SGCD: variants seen among roughly 807,000 people sequenced by gnomAD.
SGCD encodes the protein sarcoglycan delta.
Under a neutral mutation model 36.6 loss-of-function variants are expected in SGCD, and 18 were observed. The ratio of observed to expected loss-of-function variants is 0.49; its 90% CI spans 0.34 to 0.73. The LOEUF is 0.73. Ranked by LOEUF, SGCD falls within the 30% of genes least tolerant of loss-of-function variation. The pLI is 0.01. For synonymous variants in SGCD, 133 were observed against 130.6 expected (o/e 1.02, Z -0.12); for missense variants, 387 against 346.7 (o/e 1.12, Z -0.92).
intron 4 of SGCD, among the ~76,000 whole-genome samples, chr5:156,579,367 C>G (rs1394050351): frequency 7.9e-5 from 12 of 152,012 alleles, no homozygotes; most frequent in African/African-American, 2.2e-4. Context: ...GTGATGTGGT[C>G]CTGAGAAGAA....
At chr5:155,824,489 A>T in the SGCD span, among the ~76,000 whole-genome samples, 11 of 152,196 alleles carry the variant, frequency 7.2e-5, no homozygotes, top group Non-Finnish European at 1.6e-4. Flanking sequence ...ATATTATTAA[A>T]TAATTGGGAA....
chr5:156,342,624 T>G (rs1480510900), intron 2 of SGCD, among the ~76,000 whole-genome samples: 1 of 152,272 alleles, frequency 6.6e-6, no homozygotes, highest in Non-Finnish European at 1.5e-5. Context: ...TGTTCCCGTC[T>G]TCTTATAACA....
intron 1 of SGCD, among the ~76,000 whole-genome samples, chr5:155,879,106 G>C (rs1234732353): frequency 6.6e-6 from 1 of 151,960 alleles, no homozygotes; most frequent in Non-Finnish European, 1.5e-5. Context: ...TGGACTGGAG[G>C]CTAGACAGAC....
At chr5:156,452,003 C>T (rs913920418) in intron 3 of SGCD, among the ~76,000 whole-genome samples, 1 of 152,128 alleles carries the variant, frequency 6.6e-6, no homozygotes, top group Admixed American at 6.6e-5. Context: ...AAAACTGAGG[C>T]AGAGAGAAGC....
At chr5:156,344,788 CTG>C (rs1450097481) in intron 3 of SGCD, 111 bp downstream of exon 3, 1 of 746,786 alleles carries the variant, frequency 1.3e-6, no homozygotes, top group African/African-American at 1.8e-5. Context: ...CTCAAAAAAT[CTG>C]TAACCTCGTG....
At chr5:156,171,867 T>C (rs1413169051) in intron 3 of SGCD, among the ~76,000 whole-genome samples, 1 of 152,110 alleles carries the variant, frequency 6.6e-6, no homozygotes, top group Non-Finnish European at 1.5e-5. Context: ...ATAATGACAA[T>C]GGGAATTTCT....
intron 7 of SGCD, among the ~76,000 whole-genome samples, chr5:156,749,638 G>A (rs1291179614): frequency 3.3e-5 from 5 of 151,614 alleles, no homozygotes; most frequent in Admixed American, 3.3e-4. Flanking sequence ...AATAGCAGGG[G>A]ACATTTTAAA....
intron 3 of SGCD, among the ~76,000 whole-genome samples, chr5:156,350,373 C>A (rs373208503): frequency 1.3e-4 from 20 of 150,726 alleles, no homozygotes; most frequent in African/African-American, 4.9e-4. Flanking sequence ...GTAATCAAAC[C>A]CCCTGTGTAA....
At chr5:156,510,608 T>C (rs527270402) in intron 4 of SGCD, among the ~76,000 whole-genome samples, 4 of 151,922 alleles carry the variant, frequency 2.6e-5, no homozygotes, top group Non-Finnish European at 5.9e-5. Flanking sequence ...TATTTTAAAC[T>C]TTTTTTTTCT....
At chr5:156,239,783 A>G (rs1375803912) in intron 3 of SGCD, among the ~76,000 whole-genome samples, 1 of 152,120 alleles carries the variant, frequency 6.6e-6, no homozygotes, top group African/African-American at 2.4e-5. Flanking sequence ...AATTGTATCT[A>G]CCCAGTCTCT....
intron 3 of SGCD, among the ~76,000 whole-genome samples, chr5:156,184,799 G>T (rs1483295240): frequency 2.0e-5 from 3 of 152,178 alleles, no homozygotes; most frequent in Non-Finnish European, 2.9e-5. Flanking sequence ...AGGTGAAATA[G>T]TGAGGACCAC....
Position 156,015,799 on chromosome 5 carries a change from C to CAT in SGCD, c.-281-102078_-281-102077insTA, listed in dbSNP as rs773911579. On this transcript the variant is annotated intron_variant, in intron 1 of 9. Transcript: ENST00000517913. ...AATGCAGTCCCAATGAACACACAAA[C>CAT]ACACACACACACACACACAGTGCAC... 9.9e-4 allele frequency among the ~76,000 whole-genome samples: 144 copies of CAT among 145,640 alleles called. 2 individuals are homozygous for CAT. Among genetic ancestry groups the CAT allele is most frequent in the African/African-American group, 3.5e-3 (141 of 40,226 alleles).
At chr5:156,334,213 A>T (rs935482445) in intron 2 of SGCD, among the ~76,000 whole-genome samples, 3 of 152,122 alleles carry the variant, frequency 2.0e-5, no homozygotes, top group African/African-American at 7.2e-5. Flanking sequence ...GGAATCATCC[A>T]TGGGGTTTTA....
At chr5:156,328,733 T>C (rs1448699374) in intron 1 of SGCD, among the ~76,000 whole-genome samples, 1 of 151,984 alleles carries the variant, frequency 6.6e-6, no homozygotes, top group African/African-American at 2.4e-5. Flanking sequence ...ATGAACATTT[T>C]CTTTATTAGT....
chr5:155,894,935 A>C (rs1678580611), intron 1 of SGCD, among the ~76,000 whole-genome samples: 1 of 152,196 alleles, frequency 6.6e-6, no homozygotes, highest in Admixed American at 6.5e-5. Flanking sequence ...CCCCTGGTCC[A>C]TGGAAAAATT....
At chr5:156,449,847 C>A (rs12652375) in intron 3 of SGCD, among the ~76,000 whole-genome samples, 7,770 of 121,786 alleles carry the variant, frequency 0.064, 261 homozygotes, top group East Asian at 0.12. Flanking sequence ...AGTGAAACTC[C>A]ATCTCAAAAA....
At chr5:156,449,335 C>T (rs1323961152) in intron 3 of SGCD, among the ~76,000 whole-genome samples, 5 of 151,964 alleles carry the variant, frequency 3.3e-5, no homozygotes, top group Non-Finnish European at 5.9e-5. Flanking sequence ...CACACTAGAC[C>T]ATAAGTTTTG....
At chr5:156,211,463 C>G (rs1175013453) in intron 3 of SGCD, among the ~76,000 whole-genome samples, 1 of 152,076 alleles carries the variant, frequency 6.6e-6, no homozygotes, top group African/African-American at 2.4e-5. Context: ...AAAAAATTAG[C>G]TGGGCGTGGT....
chr5:156,045,635 C>G (rs771673771), intron 1 of SGCD, among the ~76,000 whole-genome samples: 22 of 152,168 alleles, frequency 1.4e-4, no homozygotes, highest in Non-Finnish European at 3.2e-4. Context: ...CCAACTAAAG[C>G]AGCATCAGTT....
Sources: allele counts gnomAD v4.1 joint callset (sites outside exome capture counted in the v4.1 genomes callset), GRCh38; gene constraint gnomAD v4.1.1; transcripts MANE v1.5; gene names NCBI Gene and HGNC (gene_info 2026-07-23, HGNC 2026-07-21).